TCF25: variants seen among roughly 807,000 people sequenced by gnomAD.
TCF25 encodes the protein ribosome quality control complex subunit TCF25.
In TCF25, 41 loss-of-function variants were observed where a neutral mutation model predicts 83.1. The observed-to-expected ratio is 0.49, with a 90% confidence interval of 0.38 to 0.64. The LOEUF (loss-of-function observed/expected upper bound fraction) is 0.64. TCF25 is among the 30% of genes least tolerant of loss of function. TCF25 has a pLI of 0.00. For synonymous variants in TCF25, 458 were observed against 365.0 expected, an observed-to-expected ratio of 1.25 and a Z score of -2.90; for missense variants, 979 against 914.5, an observed-to-expected ratio of 1.07 and a Z score of -0.91.
At chr16:89,907,069 C>T (rs1233613959) in intron 15 of TCF25, among the ~76,000 whole-genome samples, 174 bp from the exon 16 acceptor site, 3 of 152,050 alleles carry the variant, frequency 2.0e-5, no homozygotes. Context: ...GACTGTCCCA[C>T]CCTCACCCAA....
chr16:89,911,370 A>G lies in TCF25; in HGVS notation c.*132A>G. 1 of 1,237,124 alleles carries G rather than the reference A, an allele frequency of 8.1e-7. No homozygotes were observed. Among genetic ancestry groups the G allele is most frequent in the Non-Finnish European group, 1.1e-6 (1 of 885,880 alleles). 76.6% of individuals were successfully genotyped at this position (1,237,124 alleles called of 1,614,324 possible). A position where few individuals can be genotyped will look rare whatever the true frequency, so the allele number is the denominator to read the frequency against. ...GGTCCACTGTTTCTCCTATAAATGT[A>G]AATGGGTCACGCTCTGCCGTCCGCA... On this transcript the variant is annotated 3_prime_UTR_variant, in exon 18 of 18. Transcript: ENST00000263346.
At chr16:89,878,444 T>TA in intron 1 of TCF25, 1 of 1,242,734 alleles carries the variant, frequency 8.0e-7, no homozygotes, top group Non-Finnish European at 1.0e-6. Context: ...ATTTTTTTTT[T>TA]TTTTTTTTTT....
chr16:89,911,374 G>A lies in TCF25; in HGVS notation c.*136G>A. ...CACTGTTTCTCCTATAAATGTAAAT[G>A]GGTCACGCTCTGCCGTCCGCACCTT... is the stretch of plus-strand genomic sequence containing the variant. On this transcript the variant is annotated 3_prime_UTR_variant, in exon 18 of 18. Transcript: ENST00000263346. 2 of 1,199,424 alleles carry A rather than the reference G, an allele frequency of 1.7e-6. No homozygotes were observed. Among genetic ancestry groups the A allele is most frequent in the South Asian group, 1.4e-5 (1 of 69,588 alleles). The allele number at this position is 1,199,424 out of a possible 1,614,324, so 74.3% of individuals were successfully genotyped here.
At chr16:89,902,896 C>T (rs2044460741) in intron 12 of TCF25, among the ~76,000 whole-genome samples, 1 of 152,188 alleles carries the variant, frequency 6.6e-6, no homozygotes, top group South Asian at 2.1e-4. Context: ...CTGTGGGTTT[C>T]CAGGGCTCTG....
intron 7 of TCF25, among the ~76,000 whole-genome samples, chr16:89,894,435 C>T (rs1048277722): frequency 6.6e-6 from 1 of 152,122 alleles, no homozygotes; most frequent in African/African-American, 2.4e-5. Context: ...CCCCTTGCAA[C>T]CCCGGACAGC....
At chr16:89,878,585 C>A in intron 1 of TCF25, 1 of 1,166,608 alleles carries the variant, frequency 8.6e-7, no homozygotes, top group South Asian at 1.6e-5. Context: ...GTGAAATGTT[C>A]CCCATTTGAG....
At chr16:89,883,850 C>G (rs1248827206) in intron 2 of TCF25, 2 of 250,836 alleles carry the variant, frequency 8.0e-6, no homozygotes, top group Non-Finnish European at 1.6e-5. Context: ...CACGTGTGTC[C>G]TTCCTAACTG....
chr16:89,893,336 C>G (rs1436561081), intron 6 of TCF25, among the ~76,000 whole-genome samples: 1 of 152,222 alleles, frequency 6.6e-6, no homozygotes, highest in African/African-American at 2.4e-5. Context: ...CCAACCCTGT[C>G]CTTCCACAGC....
At position 89,884,688 on chromosome 16, in the gene TCF25, C is replaced by T. The variant is rs776128183; in HGVS notation, c.429+32C>T. On this transcript the variant is annotated intron_variant, in intron 3 of 17. Coordinates refer to ENST00000263346, the MANE Select transcript of TCF25 (RefSeq NM_014972.3). ...GAGTTGGGCCTGGCTGTGCTCTGTC[C>T]CTCTGCCTGACGCCCCTCTCCCTCT... The T allele has an allele frequency of 1.9e-6, 3 of 1,602,470 alleles. No individual in the cohort carries two copies. The African/African-American group carries it at 4.0e-5, about 22-fold the overall frequency.
chr16:89,879,842 T>C (rs1447474287), intron 1 of TCF25, among the ~76,000 whole-genome samples: 13 of 133,040 alleles, frequency 9.8e-5, no homozygotes, highest in Non-Finnish European at 2.1e-4. Flanking sequence ...TGTGCACAGA[T>C]GGGCTTCGGG....
chr16:89,907,128 A>C (rs961533558), intron 15 of TCF25, 115 bp from the exon 16 acceptor site: 34 of 1,029,198 alleles, frequency 3.3e-5, no homozygotes, highest in Admixed American at 1.5e-4. Flanking sequence ...CTCTGTGGCT[A>C]TCTCTCAGCA....
chr16:89,893,795 G>A lies in TCF25; in HGVS notation c.765G>A (p.Glu255=). Residue 255 remains glutamate, a synonymous_variant, in exon 7 of 18, where the codon GAG becomes GAA. Transcript: ENST00000263346. ...LSFFAFEHSE[E]YQQAQHKFLV... is the part of the protein sequence containing the mutation. ...TCTTTGCGTTTGAGCACAGTGAGGA[G>A]TACCAGCAGGCTCAGCACAAGTTCC... 1 of 1,613,114 alleles carries A rather than the reference G, an allele frequency of 6.2e-7. No individual in the cohort carries two copies. The highest frequency in any genetic ancestry group is 8.5e-7 in the Non-Finnish European group (1 of 1,179,612).
rs750258042 is a variant in TCF25, at chr16:89,883,492, G to A, written c.334G>A (p.Glu112Lys). 1.3e-5 allele frequency: 21 copies of A among 1,609,494 alleles called. No homozygotes were observed. The East Asian group carries it at 3.1e-4, about 24-fold the overall frequency. The change falls in exon 2 of 18, where the codon GAG becomes AAG. Residue 112 changes from glutamate (E) to lysine (K), a missense_variant. Glu to Lys is a moderately conservative substitution (Grantham distance 56). Transcript: ENST00000263346. ...GAGCAAGACGGATGGAGATGACACC[G>A]AGACAGTGCCCTCAGAGCAGGTGGG... ...TESKTDGDDT[E>K]TVPSEQSHAS... is the part of the protein sequence containing the mutation.
chr16:89,884,506 C>CA (rs2144013113), intron 2 of TCF25, 76 bp from the exon 3 acceptor site: 1 of 1,505,352 alleles, frequency 6.6e-7, no homozygotes, highest in Non-Finnish European at 9.2e-7. Flanking sequence ...AGGGTGGAGT[C>CA]ACGCTTGCTG....
intron 14 of TCF25, among the ~76,000 whole-genome samples, chr16:89,905,875 C>G (rs1179849785): frequency 6.6e-6 from 1 of 152,226 alleles, no homozygotes; most frequent in Non-Finnish European, 1.5e-5. Flanking sequence ...GTGACACACC[C>G]AGGTGTCCCT....
chr16:89,904,897 T>A (rs1467741981), intron 13 of TCF25, 41 bp from the exon 14 acceptor site: 3 of 1,581,616 alleles, frequency 1.9e-6, no homozygotes, highest in Non-Finnish European at 2.6e-6. Flanking sequence ...CAGGCTGTGG[T>A]CTGAAGAGGG....
Position 89,898,813 on chromosome 16 carries a change from C to T in TCF25, c.1162C>T (p.His388Tyr), listed in dbSNP as rs1232532564. 5.0e-6 allele frequency: 8 copies of T among 1,613,924 alleles called. No individual in the cohort carries two copies. The highest frequency in any genetic ancestry group is 1.3e-5 in the African/African-American group (1 of 75,060). The change falls in exon 11 of 18, where the codon CAC (histidine) becomes TAC (tyrosine). Residue 388 changes from histidine to tyrosine, a missense_variant. By Grantham distance (83) the His-to-Tyr change is moderately conservative. Transcript: ENST00000263346. ...DPLCMLLLIDHLALRARNYEY... is the reference protein window; with the variant it reads ...DPLCMLLLIDYLALRARNYEY... ...CCTCTGCATGCTGCTGCTCATCGACCACCTGGCCTTGCGGGCCCGGAACTA... is the reference window on the plus strand; with the variant it reads ...CCTCTGCATGCTGCTGCTCATCGACTACCTGGCCTTGCGGGCCCGGAACTA...
At chr16:89,894,965 GA>G (rs1293432228) in intron 7 of TCF25, 72 bp from the exon 8 acceptor site, 37 of 1,418,026 alleles carry the variant, frequency 2.6e-5, no homozygotes, top group East Asian at 4.7e-5. Context: ...TTAAATGTCT[GA>G]AAAAAAGGCA....
At chr16:89,890,389 C>T (rs529059561) in intron 5 of TCF25, 1 of 152,376 alleles carries the variant, frequency 6.6e-6, no homozygotes, top group East Asian at 1.9e-4. Flanking sequence ...GTGGCTCACA[C>T]TGAGTGTCTG....
Sources: gnomAD v4.1 joint callset for allele counts (sites outside exome capture counted in the v4.1 genomes callset) on GRCh38, gnomAD v4.1.1 for gene constraint, MANE v1.5 for transcripts, NCBI Gene and HGNC (gene_info 2026-07-23, HGNC 2026-07-21) for gene names.